Variants in MORN5 observed in about 807,000 individuals in gnomAD.
The protein encoded by MORN5 is MORN repeat-containing protein 5.
MORN5 carries 21 observed loss-of-function variants against 22.1 expected under a neutral mutation model. The ratio of observed to expected loss-of-function variants is 0.95; its 90% CI spans 0.67 to 1.37. MORN5 has a LOEUF of 1.37. MORN5 is among the 40% of genes most tolerant of loss of function. MORN5 has a pLI of 0.00. For missense variants in MORN5, 211 were observed against 215.1 expected (o/e 0.98, Z 0.12); for synonymous variants, 73 against 74.0 (o/e 0.99, Z 0.07).
intron 4 of MORN5, among the ~76,000 whole-genome samples, chr9:122,185,554 GT>G (rs1764491353): frequency 1.3e-5 from 2 of 150,704 alleles, no homozygotes; most frequent in South Asian, 4.2e-4. Context: ...TAGAGATGGG[GT>G]TTCACCGTGT....
rs186769398 is a variant in MORN5 at position 122,164,728 on chromosome 9, G to A, written c.48-2040G>A. The stretch of plus-strand genomic sequence containing the variant: ...GATGGTGCTTAGAAATGATAGATGT[G>A]AGCTCAAGCAAAGAGTACAGGAGGG... On this transcript the variant is annotated intron_variant, in intron 1 of 4. Transcript: ENST00000373764. 72 of 600,068 alleles carry A rather than the reference G, an allele frequency of 1.2e-4. No homozygotes were observed. In the African/African-American group the frequency reaches 1.3e-3, roughly 11 times the overall value. The allele number at this position is 600,068 out of a possible 1,614,324, so 37.2% of individuals were successfully genotyped here.
chr9:122,159,942 T>C lies in MORN5; in HGVS notation c.-31T>C, dbSNP rs779672122. 3.1e-6 allele frequency: 5 copies of C among 1,611,334 alleles called. No homozygotes were observed. Among genetic ancestry groups the C allele is most frequent in the Non-Finnish European group, 4.2e-6 (5 of 1,177,720 alleles). ...ATGCCGTATCCACTGAGACTCCGGA[T>C]CCTAACAGCTGGAAGCTAAAAACAG... On this transcript the variant is annotated 5_prime_UTR_variant, in exon 1 of 5. Coordinates refer to ENST00000373764, the MANE Select transcript of MORN5 (RefSeq NM_198469.4).
chr9:122,194,912 C>T (rs951308038), intron 4 of MORN5, among the ~76,000 whole-genome samples: 1 of 151,760 alleles, frequency 6.6e-6, no homozygotes, highest in African/African-American at 2.4e-5. Flanking sequence ...CCCAGCTACT[C>T]GGGAGGCTGA....
At chr9:122,163,110 G>GCA (rs1829227076) in intron 1 of MORN5, among the ~76,000 whole-genome samples, 1 of 151,780 alleles carries the variant, frequency 6.6e-6, no homozygotes. Flanking sequence ...TGGAGTAGTC[G>GCA]CACAATTGAG....
At chr9:122,177,584 C>T (rs1829471913) in intron 4 of MORN5, among the ~76,000 whole-genome samples, 1 of 152,190 alleles carries the variant, frequency 6.6e-6, no homozygotes, top group East Asian at 1.9e-4. Flanking sequence ...AGGCACCTGC[C>T]ACCATGCCCA....
In MORN5 at chr9:122,199,005, C is replaced by A. The variant is rs766481662; in HGVS notation, c.440-880C>A. On this transcript the variant is annotated intron_variant, in intron 4 of 4. Coordinates refer to ENST00000373764, the MANE Select transcript of MORN5 (RefSeq NM_198469.4). The stretch of plus-strand genomic sequence containing the variant: ...ATCCCACCATTGGTGTAGGTCCCTG[C>A]AGTGGTGGAGGAGGGGCCCGGTATG... Among the ~76,000 whole-genome samples, 91 of 151,426 alleles carry A rather than the reference C, an allele frequency of 6.0e-4. 1 individual carries two copies. The highest frequency in any genetic ancestry group is 1.8e-4 in the Non-Finnish European group (12 of 67,822).
intron 4 of MORN5, among the ~76,000 whole-genome samples, chr9:122,177,171 G>A (rs546370586): frequency 6.6e-6 from 1 of 152,346 alleles, no homozygotes. Flanking sequence ...TCTGGCGGGG[G>A]AGCACTGCCA....
chr9:122,163,378 T>G (rs763596200), intron 1 of MORN5, among the ~76,000 whole-genome samples: 2 of 152,194 alleles, frequency 1.3e-5, no homozygotes, highest in African/African-American at 2.4e-5. Context: ...AAAACCCAGG[T>G]CGATCAGACT....
chr9:122,182,500 C>G (rs766458011), intron 4 of MORN5, among the ~76,000 whole-genome samples: 5 of 152,252 alleles, frequency 3.3e-5, no homozygotes, highest in Non-Finnish European at 7.3e-5. Flanking sequence ...CCTGTAATCC[C>G]AGCACTTCGG....
At chr9:122,182,779 G>A (rs994367188) in intron 4 of MORN5, among the ~76,000 whole-genome samples, 2 of 152,124 alleles carry the variant, frequency 1.3e-5, no homozygotes, top group African/African-American at 2.4e-5. Context: ...AGCTTACCTC[G>A]CATGGTCTTC....
chr9:122,173,239 C>A (rs371302594), intron 3 of MORN5, among the ~76,000 whole-genome samples: 1 of 152,212 alleles, frequency 6.6e-6, no homozygotes, highest in African/African-American at 2.4e-5. Flanking sequence ...CCTTGTCACT[C>A]CACACTTTGC....
chr9:122,196,402 C>T (rs938444174), intron 4 of MORN5, among the ~76,000 whole-genome samples: 7 of 150,100 alleles, frequency 4.7e-5, no homozygotes, highest in East Asian at 2.0e-4. Context: ...GGCGCAATCT[C>T]GGCTCACTGC....
intron 3 of MORN5, among the ~76,000 whole-genome samples, chr9:122,170,944 T>A (rs1039931657): frequency 6.6e-6 from 1 of 152,096 alleles, no homozygotes; most frequent in African/African-American, 2.4e-5. Context: ...ACCTGCACAT[T>A]CTGCACATGT....
At position 122,200,078 on chromosome 9, in the gene MORN5, C is replaced by A; in HGVS notation, c.*147C>A. ...TTAACTCAGGAATAAAGACTTTCTG[C>A]GGTCAGTGGCCCCAGGTGTATTTTC... On this transcript the variant is annotated 3_prime_UTR_variant, in exon 5 of 5. Coordinates refer to ENST00000373764, the MANE Select transcript of MORN5 (RefSeq NM_198469.4). The A allele has an allele frequency of 1.4e-6, 1 of 713,368 alleles. No individual in the cohort carries two copies. The highest frequency in any genetic ancestry group is 2.4e-6 in the Non-Finnish European group (1 of 413,160). The allele number at this position is 713,368 out of a possible 1,614,324, so 44.2% of individuals were successfully genotyped here. A position where few individuals can be genotyped will look rare whatever the true frequency, so the allele number is the denominator to read the frequency against.
chr9:122,167,059 T>A, intron 2 of MORN5, 144 bp downstream of exon 2: 2 of 532,526 alleles, frequency 3.8e-6, no homozygotes, highest in Middle Eastern at 6.2e-4. Flanking sequence ...CCCCCCACTT[T>A]TTTTTTTTTT....
intron 4 of MORN5, among the ~76,000 whole-genome samples, chr9:122,181,557 C>A (rs1829538874): frequency 6.6e-6 from 1 of 152,172 alleles, no homozygotes; most frequent in African/African-American, 2.4e-5. Context: ...CTAATCAATA[C>A]TGCAAACACA....
At chr9:122,178,488 A>G (rs191836429) in intron 4 of MORN5, among the ~76,000 whole-genome samples, 1 of 152,352 alleles carries the variant, frequency 6.6e-6, no homozygotes, top group East Asian at 1.9e-4. Flanking sequence ...ACCCCCTCTC[A>G]AAACAAAACA....
At chr9:122,164,291 C>T (rs1564414581) in intron 1 of MORN5, among the ~76,000 whole-genome samples, 1 of 151,942 alleles carries the variant, frequency 6.6e-6, no homozygotes, top group Non-Finnish European at 1.5e-5. Context: ...AGGAGGGAAG[C>T]AGGAAAAGTG....
chr9:122,169,531 T>C lies in MORN5; in HGVS notation c.196-114T>C, dbSNP rs377700781. 8.6e-6 allele frequency: 6 copies of C among 700,016 alleles called. No homozygotes were observed. The African/African-American group carries it at 1.0e-4, about 12-fold the overall frequency. 43.4% of individuals were successfully genotyped at this position (700,016 alleles called of 1,614,324 possible). A position where few individuals can be genotyped will look rare whatever the true frequency, so the allele number is the denominator to read the frequency against. On this transcript the variant is annotated intron_variant, in intron 2 of 4. Transcript: ENST00000373764. Reference sequence around the variant, plus strand: ...TCACAACCATAATAATTGTGATAGTTACCACTTCTTTACTGCAGCCATCAG... The same window carrying C: ...TCACAACCATAATAATTGTGATAGTCACCACTTCTTTACTGCAGCCATCAG...
Sources: allele counts gnomAD v4.1 joint callset (sites outside exome capture counted in the v4.1 genomes callset), GRCh38; gene constraint gnomAD v4.1.1; transcripts MANE v1.5; gene names NCBI Gene and HGNC (gene_info 2026-07-23, HGNC 2026-07-21).